GRIK3: variants seen among roughly 807,000 people sequenced by gnomAD.
GRIK3 encodes glutamate receptor ionotropic, kainate 3.
GRIK3 carries 29 observed loss-of-function variants against 102.5 expected under a neutral mutation model. That is an observed-to-expected ratio of 0.28 (90% CI 0.21 to 0.39). The LOEUF (loss-of-function observed/expected upper bound fraction) is 0.39. Among genes scored for constraint, GRIK3 ranks in the 10% least tolerant of loss-of-function variants. The pLI, the probability that GRIK3 is intolerant of heterozygous loss-of-function variation, is 1.00. For missense variants in GRIK3, 908 were observed against 1,252.4 expected (o/e 0.73, Z 4.15); for synonymous variants, 511 against 504.9 (o/e 1.01, Z -0.16).
rs1642307864 is a variant in GRIK3 at position 36,986,471 on chromosome 1, CAT to C, written c.115+47521_115+47522del. Among the ~76,000 whole-genome samples, 29 of 143,406 alleles carry C rather than the reference CAT, an allele frequency of 2.0e-4. No homozygotes were observed. In the East Asian group the frequency reaches 4.7e-3, roughly 23 times the overall value. 94.1% of individuals were successfully genotyped at this position (143,406 alleles called of 152,430 possible). ...CCATCCATCCATCCATCAGCCCATC[CAT>C]CCATCCATCCATCCATCCATCCATC... On this transcript the variant is annotated intron_variant, in intron 1 of 15. Transcript: ENST00000373091.
In GRIK3 at chr1:36,954,811, A is replaced by G. The variant is rs1228623951; in HGVS notation, c.116-63715T>C. Among the ~76,000 whole-genome samples, 3 of 152,252 alleles carry G rather than the reference A, an allele frequency of 2.0e-5. No individual in the cohort carries two copies. The East Asian group carries it at 5.8e-4, about 29-fold the overall frequency. On this transcript the variant is annotated intron_variant, in intron 1 of 15. Coordinates refer to ENST00000373091, the MANE Select transcript of GRIK3 (RefSeq NM_000831.4). ...AAACCAGCTACAGACACATGAGTTC[A>G]GGCCACAGAAAGGTGCCCTTCCTCA...
In GRIK3 at chr1:36,804,996, C is replaced by G. The variant is rs371818294; in HGVS notation, c.2556G>C (p.Glu852Asp). The G allele has an allele frequency of 6.2e-7, 1 of 1,614,066 alleles. No individual in the cohort carries two copies. The highest frequency in any genetic ancestry group is 8.5e-7 in the Non-Finnish European group (1 of 1,180,038). Residue 852 changes from glutamate to aspartate, a missense_variant, in exon 15 of 16, where the codon GAG becomes GAC. By Grantham distance (45) the Glu-to-Asp change is conservative. This residue lies in a region of GRIK3 where 297 missense variants were observed against 362.7 expected (regional missense o/e 0.82). Coordinates refer to ENST00000373091, the MANE Select transcript of GRIK3 (RefSeq NM_000831.4). ...AAGCTCTAAGGCTTACCTGCTCTCT[C>G]TCTGCTGTTTTGCGGAGCTTGTACA... ...EFVYKLRKTA[E>D]REQRSFCSTV...
chr1:37,002,670 C>CTTTTTTTT (rs57712253), intron 1 of GRIK3, among the ~76,000 whole-genome samples: 10 of 135,238 alleles, frequency 7.4e-5, no homozygotes, highest in East Asian at 2.2e-4. Context: ...TTCTTTCTTT[C>CTTTTTTTT]TTTTTTTTTT....
chr1:36,893,184 A>T (rs1641135903), intron 1 of GRIK3, among the ~76,000 whole-genome samples: 1 of 152,198 alleles, frequency 6.6e-6, no homozygotes, highest in Non-Finnish European at 1.5e-5. Context: ...AGAAAGTTTG[A>T]TAGCTCCACA....
chr1:36,971,655 G>A (rs999786197), intron 1 of GRIK3, among the ~76,000 whole-genome samples: 1 of 152,168 alleles, frequency 6.6e-6, no homozygotes, highest in South Asian at 2.1e-4. Flanking sequence ...GTTCTTGGCA[G>A]CTCCTAGAAC....
chr1:36,815,915 T>A (rs1013768122), intron 13 of GRIK3, among the ~76,000 whole-genome samples: 1 of 151,930 alleles, frequency 6.6e-6, no homozygotes. Context: ...GCACGTCACC[T>A]GTAATTTGTA....
intron 1 of GRIK3, among the ~76,000 whole-genome samples, chr1:36,904,248 C>G (rs138650000): frequency 6.6e-6 from 1 of 152,236 alleles, no homozygotes. Flanking sequence ...TAAGTGTGTA[C>G]GCGTGTGCAT....
At chr1:36,900,311 C>A (rs569296933) in intron 1 of GRIK3, among the ~76,000 whole-genome samples, 1 of 152,194 alleles carries the variant, frequency 6.6e-6, no homozygotes, top group East Asian at 1.9e-4. Context: ...TGCTCCTCCT[C>A]CTCCTCTTCC....
intron 1 of GRIK3, among the ~76,000 whole-genome samples, chr1:37,027,789 C>T (rs1300168530): frequency 6.6e-6 from 1 of 152,086 alleles, no homozygotes; most frequent in African/African-American, 2.4e-5. Flanking sequence ...CCCCTCACTT[C>T]CAGACAGCTC....
intron 1 of GRIK3, among the ~76,000 whole-genome samples, chr1:36,900,670 A>C (rs1411736269): frequency 6.6e-6 from 1 of 152,172 alleles, no homozygotes; most frequent in Non-Finnish European, 1.5e-5. Context: ...AATTAAATCC[A>C]AAGTAAGCAG....
chr1:36,870,521 C>T (rs1334464404), intron 4 of GRIK3, among the ~76,000 whole-genome samples: 1 of 152,216 alleles, frequency 6.6e-6, no homozygotes, highest in Non-Finnish European at 1.5e-5. Context: ...GTCACCGGTT[C>T]AAGTACACTT....
intron 5 of GRIK3, among the ~76,000 whole-genome samples, chr1:36,862,919 A>G (rs1451784013): frequency 1.3e-5 from 2 of 152,166 alleles, no homozygotes; most frequent in South Asian, 2.1e-4. Flanking sequence ...TACTGGGTAC[A>G]TACAGCCCCC....
chr1:36,913,691 G>A (rs986778084), intron 1 of GRIK3, among the ~76,000 whole-genome samples: 19 of 152,022 alleles, frequency 1.2e-4, no homozygotes, highest in African/African-American at 4.3e-4. Flanking sequence ...GCAACACCAC[G>A]CCCCACAGCC....
At chr1:36,940,400 C>T (rs975355993) in intron 1 of GRIK3, among the ~76,000 whole-genome samples, 23 of 152,336 alleles carry the variant, frequency 1.5e-4, no homozygotes, top group African/African-American at 5.3e-4. Flanking sequence ...AATCATATGT[C>T]TTGCTGTCTT....
At chr1:36,985,661 C>G (rs552500252) in intron 1 of GRIK3, among the ~76,000 whole-genome samples, 1 of 152,260 alleles carries the variant, frequency 6.6e-6, no homozygotes, top group Admixed American at 6.5e-5. Context: ...AGAGGAAAGG[C>G]CCAGGGATCC....
intron 1 of GRIK3, among the ~76,000 whole-genome samples, chr1:36,910,896 G>C (rs1380506894): frequency 6.6e-6 from 1 of 152,212 alleles, no homozygotes; most frequent in Non-Finnish European, 1.5e-5. Flanking sequence ...AGGTGAGTGG[G>C]GGGGCATAAC....
intron 1 of GRIK3, among the ~76,000 whole-genome samples, chr1:36,993,332 T>C (rs1157780694): frequency 6.6e-6 from 1 of 152,132 alleles, no homozygotes; most frequent in African/African-American, 2.4e-5. Flanking sequence ...AGTGGTGCTA[T>C]AACAGCTCAC....
intron 1 of GRIK3, among the ~76,000 whole-genome samples, chr1:37,001,030 T>C (rs1467651407): frequency 6.6e-6 from 1 of 152,216 alleles, no homozygotes; most frequent in African/African-American, 2.4e-5. Flanking sequence ...GGTATAAGAT[T>C]TAAGCAGTCC....
chr1:37,027,154 G>A (rs184722777), intron 1 of GRIK3, among the ~76,000 whole-genome samples: 1 of 152,132 alleles, frequency 6.6e-6, no homozygotes, highest in African/African-American at 2.4e-5. Flanking sequence ...AGAAGGACCT[G>A]GGCAGCTGAG....
Sources: gnomAD v4.1 joint callset for allele counts (sites outside exome capture counted in the v4.1 genomes callset) on GRCh38, gnomAD v4.1.1 for gene constraint, gnomAD v4.1.1 regional missense constraint, MANE v1.5 for transcripts, NCBI Gene and HGNC (gene_info 2026-07-23, HGNC 2026-07-21) for gene names.